STRBP: variants seen among roughly 807,000 people sequenced by gnomAD.
STRBP encodes the protein spermatid perinuclear RNA-binding protein.
STRBP carries 13 observed loss-of-function variants against 80.1 expected under a neutral mutation model. That is an observed-to-expected ratio of 0.16 (90% CI 0.11 to 0.26). The LOEUF (loss-of-function observed/expected upper bound fraction) is 0.26, where lower values mean the gene tolerates loss of function less well. Ranked by LOEUF, STRBP falls within the 10% of genes least tolerant of loss-of-function variation. The probability of loss-of-function intolerance (pLI) is 1.00; values close to 1 mark genes in which losing one functional copy is unlikely to be tolerated. For missense variants in STRBP, 485 were observed against 815.2 expected (o/e 0.59, Z 4.93); for synonymous variants, 284 against 291.2 (o/e 0.98, Z 0.25).
chr9:123,259,713 AAACAACAACAAC>A (rs774487865), intron 1 of STRBP, among the ~76,000 whole-genome samples: 32 of 151,880 alleles, frequency 2.1e-4, no homozygotes, highest in Non-Finnish European at 3.8e-4. Flanking sequence ...CTGTCTCACA[AAACAACAACAAC>A]AACAACAACA....
chr9:123,268,135 G>A (rs1373102563), intron 1 of STRBP, among the ~76,000 whole-genome samples: 13 of 144,626 alleles, frequency 9.0e-5, no homozygotes. Flanking sequence ...CCCTGCCCAC[G>A]CCCTCCCCTG....
At chr9:123,142,332 G>A (rs1043272923) in intron 13 of STRBP, among the ~76,000 whole-genome samples, 25 of 152,268 alleles carry the variant, frequency 1.6e-4, no homozygotes, top group East Asian at 3.9e-4. Context: ...GACCACATAA[G>A]ATGTGCCTGC....
At chr9:123,192,460 G>A (rs1456028206) in intron 2 of STRBP, among the ~76,000 whole-genome samples, 2 of 152,122 alleles carry the variant, frequency 1.3e-5, no homozygotes, top group Non-Finnish European at 2.9e-5. Flanking sequence ...CAAACAAAGG[G>A]CTGGGTGCAG....
At chr9:123,162,784 G>A (rs2037577574) in intron 6 of STRBP, among the ~76,000 whole-genome samples, 1 of 152,260 alleles carries the variant, frequency 6.6e-6, no homozygotes, top group Middle Eastern at 3.4e-3. Flanking sequence ...TTATTACTCT[G>A]ATTTATAAAT....
chr9:123,268,341 G>T lies in STRBP; in HGVS notation c.-302+95C>A, dbSNP rs2041324198. 3 of 151,542 alleles carry T rather than the reference G, an allele frequency of 2.0e-5. No homozygotes were observed. In the Admixed American group the frequency reaches 2.0e-4, roughly 10 times the overall value. 9.4% of individuals were successfully genotyped at this position (151,542 alleles called of 1,614,324 possible). Reference sequence around the variant, plus strand: ...ACGCACAACAAACAATGCGGGGCCCGGGCCGGCTCCGCCAACCGCCTCAAC... The same window carrying T: ...ACGCACAACAAACAATGCGGGGCCCTGGCCGGCTCCGCCAACCGCCTCAAC... On this transcript the variant is annotated intron_variant, in intron 1 of 18. Transcript: ENST00000348403.
intron 2 of STRBP, among the ~76,000 whole-genome samples, chr9:123,200,823 C>T (rs769216969): frequency 3.3e-4 from 48 of 144,446 alleles, no homozygotes; most frequent in Middle Eastern, 3.6e-3. Flanking sequence ...CCTCATGAGC[C>T]GCCCGCCTCG....
chr9:123,137,736 C>G (rs2036421414), intron 14 of STRBP, among the ~76,000 whole-genome samples: 1 of 152,076 alleles, frequency 6.6e-6, no homozygotes, highest in Non-Finnish European at 1.5e-5. Context: ...ATATATAAAC[C>G]TAATGAAAAT....
At position 123,268,428 on chromosome 9, in the gene STRBP, G is replaced by A. The variant is rs2041327782; in HGVS notation, c.-302+8C>T. ...CGCGCAGGCGCCCGCCCCGCCGCCGGAGCCTACCCGCGCCGCCGCGCTCTG... is the reference window on the plus strand; with the variant it reads ...CGCGCAGGCGCCCGCCCCGCCGCCGAAGCCTACCCGCGCCGCCGCGCTCTG... On this transcript the variant is annotated splice_region_variant and intron_variant, in intron 1 of 18. Transcript: ENST00000348403. 1 of 151,740 alleles carries A rather than the reference G, an allele frequency of 6.6e-6. No homozygotes were observed. The highest frequency in any genetic ancestry group is 1.4e-5 in the Non-Finnish European group (1 of 69,596). The allele number at this position is 151,740 out of a possible 1,614,324, so 9.4% of individuals were successfully genotyped here.
intron 2 of STRBP, among the ~76,000 whole-genome samples, chr9:123,225,011 A>G (rs1157876345): frequency 6.6e-6 from 1 of 152,272 alleles, no homozygotes; most frequent in Non-Finnish European, 1.5e-5. Flanking sequence ...CAATGAAACA[A>G]TATGAAATCA....
At chr9:123,139,752 T>C (rs2036512023) in intron 13 of STRBP, 65 bp from the exon 14 acceptor site, 3 of 1,533,516 alleles carry the variant, frequency 2.0e-6, no homozygotes, top group Admixed American at 1.9e-5. Context: ...AGACAAAATA[T>C]TGAGAACAAA....
chr9:123,136,849 G>C lies in STRBP; in HGVS notation c.1498-334C>G, dbSNP rs1454611755. On this transcript the variant is annotated intron_variant, in intron 14 of 18. Transcript: ENST00000348403. This position sits in a 1 kb window ranked among gnomAD's most constrained non-coding sequence, Gnocchi z 4.2. ...CTCTAAATTACTAATAACGAGAATA[G>C]AACAGTTTGGATTCACGTGATGCCT... 6.6e-6 allele frequency among the ~76,000 whole-genome samples: 1 copy of C among 152,170 alleles called. No homozygotes were observed. Among genetic ancestry groups the C allele is most frequent in the Non-Finnish European group, 1.5e-5 (1 of 68,036 alleles).
intron 1 of STRBP, among the ~76,000 whole-genome samples, chr9:123,262,856 T>G (rs996060886): frequency 6.6e-6 from 1 of 152,234 alleles, no homozygotes; most frequent in African/African-American, 2.4e-5. Flanking sequence ...CACCTCACTA[T>G]TCAATGCAAG....
intron 2 of STRBP, among the ~76,000 whole-genome samples, chr9:123,235,153 G>T (rs902439408): frequency 6.6e-6 from 1 of 151,980 alleles, no homozygotes; most frequent in Non-Finnish European, 1.5e-5. Flanking sequence ...GGCAAATAAA[G>T]AGGCAATGAC....
In STRBP at chr9:123,115,183, C is replaced by T; in HGVS notation, c.*84+746G>A. 4.2e-6 allele frequency: 2 copies of T among 470,706 alleles called. No homozygotes were observed. The highest frequency in any genetic ancestry group is 2.0e-5 in the African/African-American group (1 of 50,208). The allele number at this position is 470,706 out of a possible 1,614,324, so 29.2% of individuals were successfully genotyped here. The stretch of plus-strand genomic sequence containing the variant: ...GGGTCCCACAGCAAGGCCCTTCACA[C>T]TCCCCAAGTGGGCACACTCTCTCTG... On this transcript the variant is annotated intron_variant and NMD_transcript_variant, in intron 3 of 3. Transcript: ENST00000471564. The surrounding 1 kb of genome is among the most constrained non-coding windows in gnomAD (Gnocchi z 5.0).
chr9:123,266,291 C>A (rs764515667), intron 1 of STRBP, among the ~76,000 whole-genome samples: 1 of 152,094 alleles, frequency 6.6e-6, no homozygotes, highest in Non-Finnish European at 1.5e-5. Context: ...CTCTCCCTTA[C>A]CCCTTCCCCC....
chr9:123,126,976 A>G lies in STRBP; in HGVS notation c.1942+1238T>C, dbSNP rs1248235406. Among the ~76,000 whole-genome samples the G allele has an allele frequency of 2.0e-5, 3 of 152,218 alleles. No individual in the cohort carries two copies. In the East Asian group the frequency reaches 5.8e-4, roughly 29 times the overall value. On this transcript the variant is annotated intron_variant, in intron 18 of 18. Transcript: ENST00000348403. The surrounding 1 kb of genome is among the most constrained non-coding windows in gnomAD (Gnocchi z 4.4). ...ATTATTGCATTAGTCTCCAATTCCTAGTTACCCATACGGCTCAGTTCAAAA... is the reference window on the plus strand; with the variant it reads ...ATTATTGCATTAGTCTCCAATTCCTGGTTACCCATACGGCTCAGTTCAAAA...
chr9:123,258,185 G>A (rs1011853935), intron 1 of STRBP, among the ~76,000 whole-genome samples: 2 of 152,144 alleles, frequency 1.3e-5, no homozygotes, highest in African/African-American at 4.8e-5. Context: ...CTAGGTGCTT[G>A]AAATCTACAG....
chr9:123,182,209 C>T (rs1165184431), intron 3 of STRBP, among the ~76,000 whole-genome samples: 8 of 122,460 alleles, frequency 6.5e-5, no homozygotes, highest in South Asian at 2.7e-4. Context: ...AGTGAGACTC[C>T]GTTTCTTTAA....
chr9:123,232,943 T>G (rs1006402916), intron 2 of STRBP, among the ~76,000 whole-genome samples: 4 of 152,208 alleles, frequency 2.6e-5, no homozygotes, highest in Non-Finnish European at 4.4e-5. Context: ...ACTAGCACCA[T>G]GAAGGCAGAA....
Sources: gnomAD v4.1 joint callset for allele counts (sites outside exome capture counted in the v4.1 genomes callset) on GRCh38, gnomAD v4.1.1 for gene constraint, Gnocchi (gnomAD v3.1) non-coding constraint, MANE v1.5 for transcripts, NCBI Gene and HGNC (gene_info 2026-07-23, HGNC 2026-07-21) for gene names.